MYOM3: variants seen among roughly 807,000 people sequenced by gnomAD.
MYOM3 encodes the protein myomesin 3, also known as myomesin-3.
A neutral mutation model predicts 191.7 loss-of-function variants in MYOM3; 155 were observed. That is an observed-to-expected ratio of 0.81 (90% CI 0.71 to 0.92). The LOEUF is 0.92. Ranked by LOEUF, MYOM3 falls within the 40% of genes least tolerant of loss-of-function variation. The pLI is 0.00. For missense variants in MYOM3, 1,889 were observed against 1,890.6 expected, an observed-to-expected ratio of 1.00 and a Z score of 0.02; for synonymous variants, 757 against 762.9, an observed-to-expected ratio of 0.99 and a Z score of 0.13.
At position 24,092,316 on chromosome 1, in the gene MYOM3, C is replaced by G; in HGVS notation, c.1091-1G>C. On this transcript the variant is annotated splice_acceptor_variant, in intron 10 of 36. Coordinates refer to ENST00000374434, the MANE Select transcript of MYOM3 (RefSeq NM_152372.4). LOFTEE classifies it high-confidence loss of function. ...GCCCCGGGGTTCTCGGCCTCGGCAT[C>G]TGAAACCCGGGGGTGAGAGGGAGGC... The G allele has an allele frequency of 2.2e-6, 3 of 1,351,786 alleles. No homozygotes were observed. Among genetic ancestry groups the G allele is most frequent in the Non-Finnish European group, 2.9e-6 (3 of 1,042,372 alleles). 83.7% of individuals were successfully genotyped at this position (1,351,786 alleles called of 1,614,324 possible).
chr1:24,063,493 AC>A lies in MYOM3; in HGVS notation c.3659del (p.Gly1220ValfsTer8). ...TGGGCAAAGAGGCAGGCTGCTTACC[AC>A]CAATCCTGCCCAACTCGGTGAAGAT... ...DAIFTELGRIGALSATPLKIQ... is the reference protein window; with the variant it reads ...DAIFTELGRIXALSATPLKIQ... On this transcript the variant is annotated frameshift_variant and splice_region_variant, in exon 31 of 37. Transcript: ENST00000374434. LOFTEE classifies it high-confidence loss of function. This position sits in a 1 kb window ranked among gnomAD's most constrained non-coding sequence, Gnocchi z 4.5. 3.7e-6 allele frequency: 6 copies of A among 1,614,044 alleles called. No individual in the cohort carries two copies. Among genetic ancestry groups the A allele is most frequent in the Non-Finnish European group, 2.5e-6 (3 of 1,179,990 alleles).
chr1:24,063,358 A>G lies in MYOM3; in HGVS notation c.3662-124T>C. Reference sequence around the variant, plus strand: ...GTGGGGGAAATGCAGTGCTGTGAAGAGGCGGGATTTTCTCTTCGGTGTTTG... The same window carrying G: ...GTGGGGGAAATGCAGTGCTGTGAAGGGGCGGGATTTTCTCTTCGGTGTTTG... On this transcript the variant is annotated intron_variant, in intron 31 of 36. Transcript: ENST00000374434. The surrounding 1 kb of genome is among the most constrained non-coding windows in gnomAD (Gnocchi z 4.5). 1 of 1,385,666 alleles carries G rather than the reference A, an allele frequency of 7.2e-7. No individual in the cohort carries two copies. Among genetic ancestry groups the G allele is most frequent in the Non-Finnish European group, 1.0e-6 (1 of 975,568 alleles). The allele number at this position is 1,385,666 out of a possible 1,614,324, so 85.8% of individuals were successfully genotyped here.
chr1:24,105,254 T>C (rs759833092), intron 5 of MYOM3, among the ~76,000 whole-genome samples: 3 of 152,174 alleles, frequency 2.0e-5, no homozygotes, highest in Admixed American at 6.5e-5. Context: ...TTCAATCCAC[T>C]CTTCAGAACA....
At chr1:24,110,968 G>A (rs1644033761) in intron 1 of MYOM3, among the ~76,000 whole-genome samples, 1 of 152,202 alleles carries the variant, frequency 6.6e-6, no homozygotes, top group Admixed American at 6.5e-5. Context: ...CCTTCCCCTG[G>A]ATGCTCTGTT....
At chr1:24,095,308 C>A in intron 8 of MYOM3, 134 bp downstream of exon 8, 1 of 868,204 alleles carries the variant, frequency 1.2e-6, no homozygotes, top group South Asian at 1.6e-5. Context: ...CAGGTATTAC[C>A]AGCTCATAGA....
intron 35 of MYOM3, among the ~76,000 whole-genome samples, 178 bp downstream of exon 35, chr1:24,060,882 G>T (rs557399274): frequency 1.3e-5 from 2 of 151,998 alleles, no homozygotes; most frequent in East Asian, 1.9e-4. Context: ...ACAATCCCAG[G>T]TGTCCTCGGA....
intron 14 of MYOM3, among the ~76,000 whole-genome samples, chr1:24,088,048 G>T (rs976257964): frequency 2.0e-5 from 3 of 152,148 alleles, no homozygotes; most frequent in African/African-American, 7.2e-5. Flanking sequence ...GGTTGGCTGC[G>T]AACCTGTTTA....
rs1643848723 is a variant in MYOM3, at chr1:24,092,265, A to G, written c.1141T>C (p.Cys381Arg). The change falls in exon 11 of 37, where the codon TGC (cysteine) becomes CGC (arginine). Residue 381 changes from cysteine (C) to arginine (R), a missense_variant. Physicochemically the swap from Cys to Arg is radical, Grantham distance 180. Coordinates refer to ENST00000374434, the MANE Select transcript of MYOM3 (RefSeq NM_152372.4). The stretch of plus-strand genomic sequence containing the variant: ...AGGCAGTCTCTGTTCACATCCAGGC[A>G]TCGGACGTTCAGTGGGGAGCCTGGG... ...GAPGSPLNVR[C>R]LDVNRDCLIL... 4.3e-6 allele frequency: 6 copies of G among 1,399,134 alleles called. No individual in the cohort carries two copies. The highest frequency in any genetic ancestry group is 4.7e-6 in the Non-Finnish European group (5 of 1,067,118). The allele number at this position is 1,399,134 out of a possible 1,614,324, so 86.7% of individuals were successfully genotyped here.
intron 12 of MYOM3, 146 bp from the exon 13 acceptor site, chr1:24,090,264 C>G: frequency 1.5e-6 from 1 of 667,966 alleles, no homozygotes; most frequent in South Asian, 1.7e-5. Flanking sequence ...GGTGCCCTCC[C>G]TCTGGCCTCA....
At chr1:24,061,029 A>G in intron 35 of MYOM3, 31 bp downstream of exon 35, 1 of 1,613,968 alleles carries the variant, frequency 6.2e-7, no homozygotes, top group East Asian at 2.2e-5. Context: ...AAATTCAGAA[A>G]CAAAAACAAC....
chr1:24,079,905 C>T (rs754957253), intron 20 of MYOM3, 111 bp downstream of exon 20: 45 of 1,051,528 alleles, frequency 4.3e-5, no homozygotes, highest in Non-Finnish European at 5.8e-5. Flanking sequence ...CTCTCTGGTC[C>T]TCTGCTTCCA....
rs542289712 is a variant in MYOM3, at chr1:24,110,124, C to T, written c.-18-1470G>A. On this transcript the variant is annotated intron_variant, in intron 1 of 36. Transcript: ENST00000374434. ...CACTGCTGGGTCTCTGAGGGCCCCC[C>T]TGATGCTAAAGCTAAAATCCCTGGA... Among the ~76,000 whole-genome samples the T allele has an allele frequency of 3.3e-5, 5 of 152,348 alleles. No individual in the cohort carries two copies. The South Asian group carries it at 8.3e-4, about 25-fold the overall frequency.
intron 36 of MYOM3, 50 bp from the exon 37 acceptor site, chr1:24,057,677 C>T (rs375377609): frequency 1.3e-6 from 2 of 1,577,030 alleles, no homozygotes; most frequent in African/African-American, 1.3e-5. Flanking sequence ...GTAACTTGAA[C>T]TTAGCATTTG....
rs4276859 is a variant in MYOM3, at chr1:24,089,643, C to T, written c.1509G>A (p.Pro503=). 186,085 of 1,588,318 alleles carry T rather than the reference C, an allele frequency of 0.12. 12,436 individuals are homozygous for T. Among genetic ancestry groups the T allele is most frequent in the Middle Eastern group, 0.24 (1,418 of 6,010 alleles). Residue 503 remains proline, a synonymous_variant, in exon 14 of 37, where the codon CCG becomes CCA. Coordinates refer to ENST00000374434, the MANE Select transcript of MYOM3 (RefSeq NM_152372.4). The part of the protein sequence containing the change: ...AFEDTVTIPS[P]PTNVHASEIR... The stretch of plus-strand genomic sequence containing the variant: ...TCTCGCTGGCATGGACATTGGTTGG[C>T]GGTGAGGGGATGGTCACAGTATCTG...
intron 24 of MYOM3, 27 bp downstream of exon 24, chr1:24,071,942 G>A: frequency 6.2e-7 from 1 of 1,613,376 alleles, no homozygotes; most frequent in Non-Finnish European, 8.5e-7. Context: ...AACTGCACAA[G>A]GCTGGTAGCT....
At position 24,107,029 on chromosome 1, in the gene MYOM3, G is replaced by A. The variant is rs370306326; in HGVS notation, c.402+44C>T. 315 of 1,546,858 alleles carry A rather than the reference G, an allele frequency of 2.0e-4. 1 individual carries two copies. In the African/African-American group the frequency reaches 3.6e-3, roughly 17 times the overall value. On this transcript the variant is annotated intron_variant, in intron 4 of 36. Coordinates refer to ENST00000374434, the MANE Select transcript of MYOM3 (RefSeq NM_152372.4). ...GGGTGAGGATGGCAGCAAGTGGTGC[G>A]TCGCAGGTCCCAGGCCCTGGGGCTC...
chr1:24,090,037 GC>G, intron 13 of MYOM3, 27 bp downstream of exon 13: 2 of 1,608,014 alleles, frequency 1.2e-6, no homozygotes, highest in Non-Finnish European at 8.5e-7. Flanking sequence ...TATACAGGAG[GC>G]CCAGTGTGTG....
In MYOM3 at chr1:24,105,773, G is replaced by T. The variant is rs1360061698; in HGVS notation, c.560+147C>A. The T allele has an allele frequency of 2.4e-5, 19 of 793,630 alleles. 1 individual carries two copies. The African/African-American group carries it at 2.5e-4, about 10-fold the overall frequency. 49.2% of individuals were successfully genotyped at this position (793,630 alleles called of 1,614,324 possible). ...CCTCTAAAAAAAATAACCCAGGCCT[G>T]GTTCCCCAGCAGCTGCTCTATTCGG... On this transcript the variant is annotated intron_variant, in intron 5 of 36. Coordinates refer to ENST00000374434, the MANE Select transcript of MYOM3 (RefSeq NM_152372.4).
At chr1:24,066,040 G>T (rs1643429830) in intron 28 of MYOM3, 39 bp from the exon 29 acceptor site, 1 of 1,360,812 alleles carries the variant, frequency 7.3e-7, no homozygotes, top group Non-Finnish European at 1.1e-6. Flanking sequence ...TGTCAGGCTT[G>T]TTTCTTTTTG....
Sources: allele counts gnomAD v4.1 joint callset (sites outside exome capture counted in the v4.1 genomes callset), GRCh38; gene constraint gnomAD v4.1.1; non-coding constraint Gnocchi (gnomAD v3.1); transcripts MANE v1.5; gene names NCBI Gene and HGNC (gene_info 2026-07-23, HGNC 2026-07-21).